MTMR14: variants seen among roughly 807,000 people sequenced by gnomAD.
The protein encoded by MTMR14 is phosphatidylinositol-3,5-bisphosphate 3-phosphatase MTMR14.
In MTMR14, 48 loss-of-function variants were observed where a neutral mutation model predicts 86.3. The observed-to-expected ratio is 0.56, with a 90% CI of 0.44 to 0.71. The LOEUF (loss-of-function observed/expected upper bound fraction) is 0.71, where lower values mean the gene tolerates loss of function less well. Ranked by LOEUF, MTMR14 falls within the 30% of genes least tolerant of loss-of-function variation. The pLI is 0.00. For missense variants in MTMR14, 780 were observed against 834.6 expected, an observed-to-expected ratio of 0.93 and a Z score of 0.81; for synonymous variants, 366 against 326.1, an observed-to-expected ratio of 1.12 and a Z score of -1.32.
In MTMR14 at chr3:9,690,030, C is replaced by A. The variant is rs771481122; in HGVS notation, c.1500C>A (p.Arg500=). ...ACCGGCCACAACCCTCAGAGGACCG[C>A]TTGCCTTCCCAGCAGGGGCTGGCGG... ...LWNRPQPSED[R]LPSQQGLAEA... Residue 500 remains arginine, a synonymous_variant, in exon 17 of 19, where the codon CGC becomes CGA. Coordinates refer to ENST00000296003, the MANE Select transcript of MTMR14 (RefSeq NM_001077525.3). The A allele has an allele frequency of 6.2e-7, 1 of 1,612,720 alleles. No individual in the cohort carries two copies. Among genetic ancestry groups the A allele is most frequent in the Non-Finnish European group, 8.5e-7 (1 of 1,179,954 alleles).
chr3:9,652,826 C>T (rs1349799683), intron 1 of MTMR14, among the ~76,000 whole-genome samples: 1 of 152,116 alleles, frequency 6.6e-6, no homozygotes, highest in African/African-American at 2.4e-5. Context: ...CCCATCTCTA[C>T]TAAAAATATG....
At chr3:9,684,405 G>T (rs1046112287) in intron 10 of MTMR14, among the ~76,000 whole-genome samples, 180 bp from the exon 11 acceptor site, 4 of 152,150 alleles carry the variant, frequency 2.6e-5, no homozygotes, top group Non-Finnish European at 5.9e-5. Context: ...TACAAAGCCA[G>T]ACGCCTGCCA....
At chr3:9,673,423 G>A (rs376177804) in intron 7 of MTMR14, among the ~76,000 whole-genome samples, 3 of 152,230 alleles carry the variant, frequency 2.0e-5, no homozygotes, top group Non-Finnish European at 4.4e-5. Context: ...TTGGTCTAGT[G>A]TGTAGCATTC....
rs551670752 is a variant in MTMR14, at chr3:9,702,139, G to A, written c.*166G>A. On this transcript the variant is annotated 3_prime_UTR_variant, in exon 19 of 19. Coordinates refer to ENST00000296003, the MANE Select transcript of MTMR14 (RefSeq NM_001077525.3). ...AAAGCTGAGCAAGGCCAAAGACAGGGTTTTCCAACCCCCAGCCTCTTGACT... is the reference window on the plus strand; with the variant it reads ...AAAGCTGAGCAAGGCCAAAGACAGGATTTTCCAACCCCCAGCCTCTTGACT... 3.7e-4 allele frequency: 317 copies of A among 862,936 alleles called. 3 individuals are homozygous for A. The highest frequency in any genetic ancestry group is 3.6e-3 in the South Asian group (242 of 67,784). The allele number at this position is 862,936 out of a possible 1,614,324, so 53.5% of individuals were successfully genotyped here. A position where few individuals can be genotyped will look rare whatever the true frequency, so the allele number is the denominator to read the frequency against.
At chr3:9,655,282 G>A (rs787838) in intron 2 of MTMR14, among the ~76,000 whole-genome samples, 59 of 151,312 alleles carry the variant, frequency 3.9e-4, no homozygotes, top group Middle Eastern at 3.4e-3. Context: ...CAGGAGAATC[G>A]CTTGAACCCA....
Position 9,702,130 on chromosome 3 carries a change from A to AC in MTMR14, c.*157_*158insC, listed in dbSNP as rs1386902703. On this transcript the variant is annotated 3_prime_UTR_variant, in exon 19 of 19. Coordinates refer to ENST00000296003, the MANE Select transcript of MTMR14 (RefSeq NM_001077525.3). Reference sequence around the variant, plus strand: ...GGCAGCCCCAAAGCTGAGCAAGGCCAAAGACAGGGTTTTCCAACCCCCAGC... The same window carrying AC: ...GGCAGCCCCAAAGCTGAGCAAGGCCACAAGACAGGGTTTTCCAACCCCCAGC... 11 of 965,038 alleles carry AC rather than the reference A, an allele frequency of 1.1e-5. No individual in the cohort carries two copies. Among genetic ancestry groups the AC allele is most frequent in the Non-Finnish European group, 1.7e-5 (11 of 630,074 alleles). 59.8% of individuals were successfully genotyped at this position (965,038 alleles called of 1,614,324 possible).
chr3:9,660,415 C>A (rs754570304), intron 2 of MTMR14, among the ~76,000 whole-genome samples: 9 of 152,074 alleles, frequency 5.9e-5, no homozygotes, highest in African/African-American at 1.9e-4. Context: ...CGCGCCACCA[C>A]GCCAGGCTAA....
In MTMR14 at chr3:9,697,868, T is replaced by TTGTCAAGC. The variant is rs1309799298; in HGVS notation, c.1769+2_1769+3insTGTCAAGC. The stretch of plus-strand genomic sequence containing the variant: ...GGATGAGCTCCCTAACAGTTGTCTG[T>TTGTCAAGC]AAGTGTCTTGCTTGAGAAGGCAGGA... On this transcript the variant is annotated splice_region_variant and intron_variant, in intron 18 of 18. Transcript: ENST00000296003. 1.9e-6 allele frequency: 3 copies of TTGTCAAGC among 1,614,018 alleles called. No homozygotes were observed. Among genetic ancestry groups the TTGTCAAGC allele is most frequent in the Non-Finnish European group, 2.5e-6 (3 of 1,180,044 alleles).
chr3:9,659,727 C>T (rs534872405), intron 2 of MTMR14: 75 of 456,088 alleles, frequency 1.6e-4, no homozygotes, highest in Middle Eastern at 7.8e-4. Context: ...CAGGCATGAG[C>T]CACTGTGCCT....
rs13319555 is a variant in MTMR14, at chr3:9,694,663, C to G, written c.1614-3048C>G. 7.7e-3 allele frequency among the ~76,000 whole-genome samples: 1,178 copies of G among 152,322 alleles called. 14 individuals are homozygous for G. The highest frequency in any genetic ancestry group is 0.026 in the African/African-American group (1,091 of 41,552). ...TCATTTGTCCGAGAGCCTGTAGGCT[C>G]TGTCATGGCACTAGGCAGCTGCGTA... On this transcript the variant is annotated intron_variant, in intron 17 of 18. Transcript: ENST00000296003.
intron 1 of MTMR14, among the ~76,000 whole-genome samples, chr3:9,651,862 C>T (rs2047316219): frequency 1.3e-5 from 2 of 150,134 alleles, no homozygotes; most frequent in South Asian, 2.1e-4. Context: ...GATGGCGTCT[C>T]ACTCTGTCGC....
chr3:9,702,130 A>G lies in MTMR14; in HGVS notation c.*157A>G. 1.0e-6 allele frequency: 1 copy of G among 965,156 alleles called. No individual in the cohort carries two copies. Among genetic ancestry groups the G allele is most frequent in the South Asian group, 1.4e-5 (1 of 71,428 alleles). The allele number at this position is 965,156 out of a possible 1,614,324, so 59.8% of individuals were successfully genotyped here. On this transcript the variant is annotated 3_prime_UTR_variant, in exon 19 of 19. Coordinates refer to ENST00000296003, the MANE Select transcript of MTMR14 (RefSeq NM_001077525.3). The stretch of plus-strand genomic sequence containing the variant: ...GGCAGCCCCAAAGCTGAGCAAGGCC[A>G]AAGACAGGGTTTTCCAACCCCCAGC...
In MTMR14 at chr3:9,649,760, A is replaced by T; in HGVS notation, c.159+18A>T. On this transcript the variant is annotated intron_variant, in intron 1 of 18. Coordinates refer to ENST00000296003, the MANE Select transcript of MTMR14 (RefSeq NM_001077525.3). ...GCTCTAAGGTGAGATTGGAGGTGCG[A>T]TGAGCTGGGGAAGGCTCCTAACTTG... The T allele has an allele frequency of 1.9e-6, 3 of 1,613,030 alleles. No homozygotes were observed. Among genetic ancestry groups the T allele is most frequent in the Non-Finnish European group, 2.5e-6 (3 of 1,179,658 alleles).
chr3:9,660,061 G>A (rs943943251), intron 2 of MTMR14, among the ~76,000 whole-genome samples: 1 of 152,218 alleles, frequency 6.6e-6, no homozygotes, highest in Non-Finnish European at 1.5e-5. Flanking sequence ...CCAAGTAAGT[G>A]GGAGGAAGGC....
chr3:9,699,825 T>G (rs898984845), intron 18 of MTMR14: 1 of 152,286 alleles, frequency 6.6e-6, no homozygotes, highest in African/African-American at 2.4e-5. Flanking sequence ...GTGTAAACTC[T>G]TGGTCTGTTT....
intron 17 of MTMR14, among the ~76,000 whole-genome samples, chr3:9,692,460 C>G (rs1209261178): frequency 6.6e-6 from 1 of 152,228 alleles, no homozygotes; most frequent in East Asian, 1.9e-4. Context: ...AGTTGCATTT[C>G]TGGACCATTG....
At chr3:9,671,616 G>T (rs922212970) in intron 6 of MTMR14, among the ~76,000 whole-genome samples, 1 of 152,112 alleles carries the variant, frequency 6.6e-6, no homozygotes, top group Non-Finnish European at 1.5e-5. Context: ...TTCCCAAAGT[G>T]CTGGGATTAC....
At chr3:9,659,156 G>A (rs988079612) in intron 2 of MTMR14, among the ~76,000 whole-genome samples, 1 of 152,120 alleles carries the variant, frequency 6.6e-6, no homozygotes, top group Admixed American at 6.5e-5. Context: ...GATCACCTGA[G>A]CCCAGGAGGT....
At chr3:9,687,755 G>A (rs967213689) in intron 13 of MTMR14, 66 bp from the exon 14 acceptor site, 7 of 1,408,846 alleles carry the variant, frequency 5.0e-6, no homozygotes, top group Admixed American at 2.0e-5. Flanking sequence ...GTGGCTGGCC[G>A]CCCTCCCCTG....
Sources: gnomAD v4.1 joint callset for allele counts (sites outside exome capture counted in the v4.1 genomes callset) on GRCh38, gnomAD v4.1.1 for gene constraint, MANE v1.5 for transcripts, NCBI Gene and HGNC (gene_info 2026-07-23, HGNC 2026-07-21) for gene names.